The following NUF2 variants were observed in gnomAD, a reference collection of about 807,000 sequenced individuals.
NUF2 encodes the protein kinetochore protein Nuf2.
NUF2 carries 34 observed loss-of-function variants against 61.8 expected under a neutral mutation model. The observed-to-expected ratio is 0.55, with a 90% confidence interval of 0.42 to 0.73. The LOEUF (loss-of-function observed/expected upper bound fraction) is 0.73. Ranked by LOEUF, NUF2 falls within the 30% of genes least tolerant of loss-of-function variation. The pLI is 0.00. For missense variants in NUF2, 445 were observed against 539.1 expected (o/e 0.83, Z 1.73); for synonymous variants, 172 against 181.6 (o/e 0.95, Z 0.42).
intron 8 of NUF2, chr1:163,340,115 T>A (rs1650891517): frequency 2.3e-6 from 1 of 435,936 alleles, no homozygotes; most frequent in South Asian, 5.0e-5. Context: ...TTTCAACTTA[T>A]ATGTATTATT....
chr1:163,337,965 C>T, intron 6 of NUF2, 55 bp from the exon 7 acceptor site: 1 of 1,321,070 alleles, frequency 7.6e-7, no homozygotes. Flanking sequence ...ACATTTTGGA[C>T]ACACTGATTG....
At chr1:163,352,063 T>G (rs1289645353) in intron 13 of NUF2, among the ~76,000 whole-genome samples, 1 of 151,686 alleles carries the variant, frequency 6.6e-6, no homozygotes, top group Non-Finnish European at 1.5e-5. Flanking sequence ...TTTTCTCTCT[T>G]TTGCTCAACT....
At chr1:163,331,998 C>A (rs1274871300) in intron 5 of NUF2, among the ~76,000 whole-genome samples, 1 of 151,242 alleles carries the variant, frequency 6.6e-6, no homozygotes, top group African/African-American at 2.4e-5. Context: ...GTTATTCTTT[C>A]TTCATGGTTA....
At chr1:163,324,473 A>G (rs890962093) in intron 1 of NUF2, among the ~76,000 whole-genome samples, 3 of 151,368 alleles carry the variant, frequency 2.0e-5, no homozygotes, top group Non-Finnish European at 4.4e-5. Flanking sequence ...ATTAGAGGTT[A>G]GGCAAGTTGC....
chr1:163,326,792 A>C (rs1451322982), intron 2 of NUF2, among the ~76,000 whole-genome samples: 1 of 152,098 alleles, frequency 6.6e-6, no homozygotes, highest in Non-Finnish European at 1.5e-5. Context: ...ACCCTCTTTG[A>C]TTCTCGAAAA....
chr1:163,326,846 A>G (rs1650433430), intron 2 of NUF2, among the ~76,000 whole-genome samples: 1 of 152,088 alleles, frequency 6.6e-6, no homozygotes, highest in African/African-American at 2.4e-5. Flanking sequence ...AAACTGAGTA[A>G]ATTCAGCTTT....
intron 10 of NUF2, among the ~76,000 whole-genome samples, chr1:163,345,370 G>A (rs570574093): frequency 2.0e-5 from 3 of 152,228 alleles, no homozygotes; most frequent in South Asian, 4.1e-4. Flanking sequence ...ATCAGAAATA[G>A]TTTGAGTATT....
chr1:163,328,990 A>C (rs1650516192), intron 5 of NUF2, 83 bp downstream of exon 5: 2 of 723,786 alleles, frequency 2.8e-6, no homozygotes, highest in African/African-American at 3.6e-5. Flanking sequence ...AAAAAAAAAA[A>C]AAAGGAAAAA....
intron 5 of NUF2, among the ~76,000 whole-genome samples, chr1:163,331,366 T>G (rs1650593387): frequency 6.6e-6 from 1 of 151,938 alleles, no homozygotes; most frequent in Non-Finnish European, 1.5e-5. Flanking sequence ...TCCTGATTGG[T>G]TATGATATAT....
chr1:163,323,069 A>C (rs1052195796), intron 1 of NUF2: 2 of 152,224 alleles, frequency 1.3e-5, no homozygotes, highest in Non-Finnish European at 2.9e-5. Context: ...CCTAGCAGAA[A>C]AATTTGAATT....
At chr1:163,327,123 C>A (rs1209626628) in intron 2 of NUF2, among the ~76,000 whole-genome samples, 49 of 91,224 alleles carry the variant, frequency 5.4e-4, no homozygotes, top group African/African-American at 1.3e-3. Context: ...CACACACACA[C>A]ACACACACAC....
intron 5 of NUF2, among the ~76,000 whole-genome samples, chr1:163,334,147 TTTC>T (rs1437903165): frequency 1.3e-5 from 2 of 152,246 alleles, no homozygotes; most frequent in Admixed American, 6.5e-5. Flanking sequence ...GAAGACATTA[TTTC>T]TTCTTTTTAG....
At chr1:163,342,665 CAT>C (rs375180259) in intron 9 of NUF2, among the ~76,000 whole-genome samples, 2 of 151,364 alleles carry the variant, frequency 1.3e-5, no homozygotes, top group African/African-American at 2.4e-5. Flanking sequence ...CCCACACATA[CAT>C]ATATATATAT....
In NUF2 at chr1:163,339,469, C is replaced by A. The variant is rs758467323; in HGVS notation, c.598C>A (p.Gln200Lys). 2 of 1,603,070 alleles carry A rather than the reference C, an allele frequency of 1.2e-6. No individual in the cohort carries two copies. Among genetic ancestry groups the A allele is most frequent in the Non-Finnish European group, 1.7e-6 (2 of 1,170,902 alleles). ...LQQSLNQDFHQKTIVLQEGNS... is the reference protein window; with the variant it reads ...LQQSLNQDFHKKTIVLQEGNS... ...ACAATCACTAAATCAGGATTTTCAT[C>A]AAAAAACGGTATCTGTTGTGAGGCA... The change falls in exon 8 of 14, where the codon CAA (glutamine) becomes AAA (lysine). Residue 200 changes from glutamine to lysine, a missense_variant. Transcript: ENST00000271452.
chr1:163,337,893 A>G (rs747267326), intron 6 of NUF2, 127 bp from the exon 7 acceptor site: 59 of 666,160 alleles, frequency 8.9e-5, no homozygotes, highest in Non-Finnish European at 1.5e-4. Flanking sequence ...TTCATTTGTC[A>G]TGAAGGCCTA....
chr1:163,350,583 A>T (rs1225365165), intron 13 of NUF2, among the ~76,000 whole-genome samples: 1 of 152,170 alleles, frequency 6.6e-6, no homozygotes, highest in Non-Finnish European at 1.5e-5. Flanking sequence ...TAACCTTAGC[A>T]TATCATGTCA....
chr1:163,346,612 C>T (rs139030608), intron 11 of NUF2, among the ~76,000 whole-genome samples: 9 of 152,240 alleles, frequency 5.9e-5, no homozygotes, highest in South Asian at 2.1e-4. Flanking sequence ...ACCAGCACTT[C>T]GGAAGGCTGA....
Position 163,355,335 on chromosome 1 carries a change from G to T in NUF2, c.1261G>T (p.Glu421Ter). 6.3e-7 allele frequency: 1 copy of T among 1,592,910 alleles called. No homozygotes were observed. Among genetic ancestry groups the T allele is most frequent in the Non-Finnish European group, 8.5e-7 (1 of 1,170,242 alleles). ...AAEREKLKSQ[E>*]IFLNLKTALE... ...TTATTCTGTTTCATTTTCTACTTAG[G>T]AAATATTTCTAAACTTGAAAACTGC... is the stretch of plus-strand genomic sequence containing the variant. Residue 421 changes from glutamate to a stop codon, truncating the protein, a stop_gained and splice_region_variant, in exon 14 of 14, where the codon GAA becomes TAA. Transcript: ENST00000271452. LOFTEE classifies it low-confidence loss of function (END_TRUNC).
Position 163,328,321 on chromosome 1 carries a change from T to A in NUF2, c.275+17T>A. 2 of 1,488,702 alleles carry A rather than the reference T, an allele frequency of 1.3e-6. 1 individual carries two copies. Among genetic ancestry groups the A allele is most frequent in the South Asian group, 2.4e-5 (2 of 84,644 alleles). The allele number at this position is 1,488,702 out of a possible 1,614,324, so 92.2% of individuals were successfully genotyped here. On this transcript the variant is annotated intron_variant, in intron 4 of 13. Coordinates refer to ENST00000271452, the MANE Select transcript of NUF2 (RefSeq NM_145697.3). Reference sequence around the variant, plus strand: ...TACTCATCTGTGAGTAAAGAGTGATTTTATTGTCTTCGTCTACATTCGTAT... The same window carrying A: ...TACTCATCTGTGAGTAAAGAGTGATATTATTGTCTTCGTCTACATTCGTAT...
Sources: allele counts gnomAD v4.1 joint callset (sites outside exome capture counted in the v4.1 genomes callset), GRCh38; gene constraint gnomAD v4.1.1; transcripts MANE v1.5; gene names NCBI Gene and HGNC (gene_info 2026-07-23, HGNC 2026-07-21).